Variants in ACACA observed in about 807,000 individuals in gnomAD.
The protein encoded by ACACA is acetyl-CoA carboxylase 1.
A neutral mutation model predicts 296.1 loss-of-function variants in ACACA; 103 were observed. That is an observed-to-expected ratio of 0.35 (90% CI 0.30 to 0.41). The LOEUF is 0.41. Among genes scored for constraint, ACACA ranks in the 10% least tolerant of loss-of-function variants. The probability of loss-of-function intolerance (pLI) is 1.00; values close to 1 mark genes in which losing one functional copy is unlikely to be tolerated. For missense variants in ACACA, 1,554 were observed against 2,989.7 expected (o/e 0.52, Z 11.20); for synonymous variants, 953 against 1,038.6 (o/e 0.92, Z 1.58).
intron 3 of ACACA, among the ~76,000 whole-genome samples, chr17:37,310,107 G>GTA (rs1382070267): frequency 6.6e-6 from 1 of 152,172 alleles, no homozygotes; most frequent in African/African-American, 2.4e-5. Flanking sequence ...GGAGGCAAAA[G>GTA]TATAATACAG....
intron 51 of ACACA, among the ~76,000 whole-genome samples, chr17:37,112,136 A>G (rs971202480): frequency 1.3e-5 from 2 of 151,972 alleles, no homozygotes; most frequent in African/African-American, 2.4e-5. Context: ...GATCAGACAC[A>G]CTAAGCCAGG....
chr17:37,110,831 T>C (rs1252030942), intron 52 of ACACA, among the ~76,000 whole-genome samples: 1 of 152,138 alleles, frequency 6.6e-6, no homozygotes, highest in Non-Finnish European at 1.5e-5. Context: ...TTTACTAACA[T>C]AGCAAGGGGC....
At chr17:37,146,857 C>A in intron 45 of ACACA, among the ~76,000 whole-genome samples, 1 of 142,086 alleles carries the variant, frequency 7.0e-6, no homozygotes, top group African/African-American at 2.5e-5. Flanking sequence ...AACCCCCCTT[C>A]CTGCAAACCA....
intron 3 of ACACA, among the ~76,000 whole-genome samples, chr17:37,305,892 GTTTTTTTTTTTGTT>G (rs1466559062): frequency 1.6e-5 from 2 of 128,720 alleles, no homozygotes; most frequent in African/African-American, 2.8e-5. Context: ...AATTTTAGCA[GTTTTTTTTTTTGTT>G]TTTTTTTTTT....
intron 3 of ACACA, among the ~76,000 whole-genome samples, chr17:37,311,816 G>A (rs2084161293): frequency 6.7e-6 from 1 of 150,004 alleles, no homozygotes; most frequent in African/African-American, 2.5e-5. Flanking sequence ...AGTTTGCAGT[G>A]AGCCAAGATC....
chr17:37,368,274 AAAAT>A (rs1249687997), intron 1 of ACACA, among the ~76,000 whole-genome samples: 1 of 152,002 alleles, frequency 6.6e-6, no homozygotes, highest in Non-Finnish European at 1.5e-5. Flanking sequence ...TCCGTCTCAA[AAAAT>A]AAATAAATAA....
chr17:37,336,191 G>A (rs2048109704), intron 2 of ACACA, among the ~76,000 whole-genome samples: 2 of 151,994 alleles, frequency 1.3e-5, no homozygotes, highest in African/African-American at 2.4e-5. Flanking sequence ...CCCCTGGACC[G>A]GCCTGCTAGC....
At chr17:37,360,442 G>C (rs974180629) in intron 1 of ACACA, 2 of 152,154 alleles carry the variant, frequency 1.3e-5, no homozygotes, top group Non-Finnish European at 2.9e-5. Context: ...TATTTATCTA[G>C]GAGCCCTCAT....
chr17:37,151,003 G>T (rs1479422426), intron 44 of ACACA, among the ~76,000 whole-genome samples: 1 of 151,572 alleles, frequency 6.6e-6, no homozygotes, highest in Non-Finnish European at 1.5e-5. Context: ...AGTGAGCTGA[G>T]ATCGTGCCAC....
At chr17:37,092,497 C>T (rs922187863) in intron 54 of ACACA, among the ~76,000 whole-genome samples, 1 of 152,186 alleles carries the variant, frequency 6.6e-6, no homozygotes, top group Non-Finnish European at 1.5e-5. Context: ...CACTTTCTGT[C>T]TGCATCAGTG....
rs565411001 is a variant in ACACA, at chr17:37,113,761, T to C, written c.6275-496A>G. 2.6e-5 allele frequency among the ~76,000 whole-genome samples: 4 copies of C among 152,176 alleles called. No individual in the cohort carries two copies. The highest frequency in any genetic ancestry group is 4.4e-5 in the Non-Finnish European group (3 of 68,036). ...TAAAAATTTTATCTTCAAAAACTAT[T>C]TTTCATCTTGGTATCCCGATATCCC... On this transcript the variant is annotated intron_variant, in intron 50 of 55. Coordinates refer to ENST00000616317, the MANE Select transcript of ACACA (RefSeq NM_198834.3). This position sits in a 1 kb window ranked among gnomAD's most constrained non-coding sequence, Gnocchi z 4.0.
At chr17:37,377,041 C>A (rs1597737980) in intron 1 of ACACA, among the ~76,000 whole-genome samples, 1 of 152,182 alleles carries the variant, frequency 6.6e-6, no homozygotes, top group South Asian at 2.1e-4. Context: ...ACGAATTTGA[C>A]AAATTATAAA....
intron 37 of ACACA, among the ~76,000 whole-genome samples, chr17:37,191,862 T>C (rs991551191): frequency 1.3e-5 from 2 of 152,090 alleles, no homozygotes; most frequent in East Asian, 3.9e-4. Context: ...CATTTTTTAT[T>C]TTTTTTCAGA....
At chr17:37,385,917 T>A (rs2050505469) in intron 1 of ACACA, 1 of 826,588 alleles carries the variant, frequency 1.2e-6, no homozygotes, top group African/African-American at 1.7e-5. Flanking sequence ...AATTGGAAGT[T>A]TACTATCAGC....
chr17:37,332,414 A>G (rs768215429), intron 2 of ACACA, among the ~76,000 whole-genome samples: 5 of 152,100 alleles, frequency 3.3e-5, no homozygotes, highest in Non-Finnish European at 5.9e-5. Flanking sequence ...ATCCTATTTT[A>G]AAATTTCAAA....
chr17:37,122,885 G>A, intron 48 of ACACA: 1 of 560,308 alleles, frequency 1.8e-6, no homozygotes, highest in Non-Finnish European at 3.2e-6. Context: ...ACCAAGGGCT[G>A]TTCTAGGGGA....
intron 18 of ACACA, 50 bp from the exon 19 acceptor site, chr17:37,247,026 AAGG>A: frequency 6.2e-7 from 1 of 1,603,980 alleles, no homozygotes; most frequent in South Asian, 1.1e-5. Flanking sequence ...TCAGGATGTA[AAGG>A]AGAATGGTAG....
intron 3 of ACACA, among the ~76,000 whole-genome samples, chr17:37,329,716 C>T (rs1337198939): frequency 6.7e-6 from 1 of 149,002 alleles, no homozygotes; most frequent in Non-Finnish European, 1.5e-5. Context: ...CTGAGGTGGG[C>T]GGATCACAAG....
intron 2 of ACACA, 66 bp downstream of exon 2, chr17:37,339,738 T>G: frequency 1.0e-6 from 1 of 998,162 alleles, no homozygotes; most frequent in Non-Finnish European, 1.6e-6. Context: ...GCCTACAGTT[T>G]GATATTTTAC....
Sources: allele counts gnomAD v4.1 joint callset (sites outside exome capture counted in the v4.1 genomes callset), GRCh38; gene constraint gnomAD v4.1.1; non-coding constraint Gnocchi (gnomAD v3.1); transcripts MANE v1.5; gene names NCBI Gene and HGNC (gene_info 2026-07-23, HGNC 2026-07-21).